Variants in ASCC2 observed in about 807,000 individuals in gnomAD.
The protein encoded by ASCC2 is ASC-1 complex subunit P100.
ASCC2 carries 42 observed loss-of-function variants against 93.5 expected under a neutral mutation model. The observed-to-expected ratio is 0.45, with a 90% CI of 0.35 to 0.58. The LOEUF (loss-of-function observed/expected upper bound fraction) is 0.58, where lower values mean the gene tolerates loss of function less well. ASCC2 is among the 20% of genes least tolerant of loss of function. The pLI, the probability that ASCC2 is intolerant of heterozygous loss-of-function variation, is 0.00. For missense variants in ASCC2, 859 were observed against 977.6 expected, an observed-to-expected ratio of 0.88 and a Z score of 1.62; for synonymous variants, 364 against 384.2, an observed-to-expected ratio of 0.95 and a Z score of 0.62.
chr22:29,804,500 C>T, intron 13 of ASCC2, 138 bp downstream of exon 13: 1 of 994,282 alleles, frequency 1.0e-6, no homozygotes, highest in Non-Finnish European at 1.5e-6. Context: ...TGACCAGTTG[C>T]TTGAGGCTGT....
At chr22:29,796,276 T>A (rs1450870570) in intron 15 of ASCC2, among the ~76,000 whole-genome samples, 2 of 152,096 alleles carry the variant, frequency 1.3e-5, no homozygotes, top group African/African-American at 4.8e-5. Flanking sequence ...GCCCAGCTAA[T>A]TTTTTGTATT....
At chr22:29,790,436 G>C in intron 19 of ASCC2, 33 bp downstream of exon 19, 1 of 1,612,182 alleles carries the variant, frequency 6.2e-7, no homozygotes, top group South Asian at 1.1e-5. Context: ...TGGTGGGAGG[G>C]GTCCCCCCAG....
chr22:29,792,229 A>G (rs927467958), intron 18 of ASCC2, among the ~76,000 whole-genome samples: 2 of 152,036 alleles, frequency 1.3e-5, no homozygotes, highest in Non-Finnish European at 1.5e-5. Context: ...TCTGTCCCCT[A>G]GGTCCTCACT....
intron 2 of ASCC2, among the ~76,000 whole-genome samples, chr22:29,827,757 G>GAC (rs35763537): frequency 0.13 from 12,986 of 100,854 alleles, 1,777 homozygotes; most frequent in African/African-American, 0.31. Flanking sequence ...TCATTCTCCC[G>GAC]ACACACACAC....
At chr22:29,835,833 A>G (rs920780538) in intron 1 of ASCC2, among the ~76,000 whole-genome samples, 7 of 152,172 alleles carry the variant, frequency 4.6e-5, no homozygotes, top group Non-Finnish European at 8.8e-5. Flanking sequence ...CATATAACTG[A>G]CTATGATTTG....
In ASCC2 at chr22:29,792,516, C is replaced by T. The variant is rs779402165; in HGVS notation, c.1939G>A (p.Val647Met). The part of the protein sequence containing the change: ...ISRRPFTIPQ[V>M]LRTKVPREGQ... Reference sequence around the variant, plus strand: ...TCTCTAGGCACTTTGGTTCTCAGCACCTGAGGGATGGTGAATGGCCTGAGG... The same window carrying T: ...TCTCTAGGCACTTTGGTTCTCAGCATCTGAGGGATGGTGAATGGCCTGAGG... Residue 647 changes from valine to methionine, a missense_variant, in exon 18 of 20, where the codon GTG (valine) becomes ATG (methionine). Physicochemically the swap from Val to Met is conservative, Grantham distance 21. Coordinates refer to ENST00000307790, the MANE Select transcript of ASCC2 (RefSeq NM_032204.5). 3.7e-6 allele frequency: 6 copies of T among 1,614,022 alleles called. No homozygotes were observed. Among genetic ancestry groups the T allele is most frequent in the Non-Finnish European group, 5.1e-6 (6 of 1,179,944 alleles).
At chr22:29,831,527 A>C (rs1171418209) in intron 2 of ASCC2, among the ~76,000 whole-genome samples, 1 of 152,224 alleles carries the variant, frequency 6.6e-6, no homozygotes, top group East Asian at 1.9e-4. Flanking sequence ...AGCCATCTAG[A>C]AGGCAGGAAA....
intron 5 of ASCC2, among the ~76,000 whole-genome samples, chr22:29,820,072 A>G (rs2061370617): frequency 6.6e-6 from 1 of 151,724 alleles, no homozygotes; most frequent in Non-Finnish European, 1.5e-5. Context: ...CCAGGCTGGA[A>G]AAAAAAAAGA....
intron 8 of ASCC2, among the ~76,000 whole-genome samples, chr22:29,811,502 G>C (rs1433623130): frequency 6.6e-6 from 1 of 152,194 alleles, no homozygotes; most frequent in Non-Finnish European, 1.5e-5. Flanking sequence ...ATTTTGAGAG[G>C]GATTATCAAC....
At chr22:29,791,371 T>C (rs2057720519) in intron 18 of ASCC2, among the ~76,000 whole-genome samples, 1 of 151,814 alleles carries the variant, frequency 6.6e-6, no homozygotes, top group Non-Finnish European at 1.5e-5. Context: ...AGCGAGACTC[T>C]GTCTCTAAAA....
intron 9 of ASCC2, among the ~76,000 whole-genome samples, chr22:29,807,429 C>T (rs2059808488): frequency 6.6e-6 from 1 of 152,036 alleles, no homozygotes; most frequent in Admixed American, 6.6e-5. Context: ...TCAGTTCAAA[C>T]GGTGGGTCAG....
In ASCC2 at chr22:29,821,996, C is replaced by CTT. The variant is rs200888756; in HGVS notation, c.541+337_541+338dup. The CTT allele has an allele frequency of 3.6e-3, 1,430 of 400,260 alleles. 15 individuals are homozygous for CTT. The highest frequency in any genetic ancestry group is 7.0e-3 in the East Asian group (88 of 12,524). 24.8% of individuals were successfully genotyped at this position (400,260 alleles called of 1,614,324 possible). On this transcript the variant is annotated intron_variant, in intron 5 of 19. Transcript: ENST00000307790. ...CCTGAGTGACAGAGCAAGGCTTTGT[C>CTT]TTTTTTCTTTTTTTTTGAGATGGAG...
Position 29,825,830 on chromosome 22 carries a change from G to C in ASCC2, c.82-50C>G. ...AACGTGGCAGAGGTTAGTCAGCGAG[G>C]GCCCATTTGCCAACCCACAGCAATG... On this transcript the variant is annotated intron_variant, in intron 2 of 19. Transcript: ENST00000307790. This position sits in a 1 kb window ranked among gnomAD's most constrained non-coding sequence, Gnocchi z 4.9. 1 of 1,558,286 alleles carries C rather than the reference G, an allele frequency of 6.4e-7. No homozygotes were observed. Among genetic ancestry groups the C allele is most frequent in the Non-Finnish European group, 8.7e-7 (1 of 1,150,044 alleles).
intron 2 of ASCC2, chr22:29,827,574 T>C (rs1488646436): frequency 2.1e-6 from 1 of 471,006 alleles, no homozygotes; most frequent in African/African-American, 2.0e-5. Flanking sequence ...TAAATCAAAT[T>C]TGTATCATGG....
At chr22:29,803,752 A>G (rs1025465575) in intron 13 of ASCC2, among the ~76,000 whole-genome samples, 3 of 152,236 alleles carry the variant, frequency 2.0e-5, no homozygotes, top group Non-Finnish European at 4.4e-5. Context: ...TAAAACCTCC[A>G]TGACTCTGCT....
At chr22:29,834,545 G>C in intron 1 of ASCC2, 1 of 470,678 alleles carries the variant, frequency 2.1e-6, no homozygotes, top group Non-Finnish European at 4.4e-6. Context: ...GCATACACGA[G>C]GTGGCCTGAA....
At chr22:29,826,455 A>G (rs1005923179) in intron 2 of ASCC2, among the ~76,000 whole-genome samples, 1 of 151,834 alleles carries the variant, frequency 6.6e-6, no homozygotes, top group Admixed American at 6.6e-5. Flanking sequence ...AGCTGGGACT[A>G]CAGGTGCACA....
chr22:29,788,731 T>C lies in ASCC2; in HGVS notation c.*282A>G, dbSNP rs865835343. The C allele has an allele frequency of 3.2e-5, 15 of 474,396 alleles. No individual in the cohort carries two copies. The highest frequency in any genetic ancestry group is 2.4e-4 in the South Asian group (10 of 41,990). The allele number at this position is 474,396 out of a possible 1,614,324, so 29.4% of individuals were successfully genotyped here. A position where few individuals can be genotyped will look rare whatever the true frequency, so the allele number is the denominator to read the frequency against. On this transcript the variant is annotated 3_prime_UTR_variant, in exon 20 of 20. Transcript: ENST00000307790. The stretch of plus-strand genomic sequence containing the variant: ...GGCCCGAGGTTTGGGGCGCTTGCCT[T>C]GGGACTCCATCCCCATCTCTTTCCC...
rs748724404 is a variant in ASCC2 at position 29,801,016 on chromosome 22, G to C, written c.1663C>G (p.Leu555Val). 6.2e-7 allele frequency: 1 copy of C among 1,600,946 alleles called. No individual in the cohort carries two copies. Among genetic ancestry groups the C allele is most frequent in the South Asian group, 1.1e-5 (1 of 90,376 alleles). The change falls in exon 15 of 20, where the codon CTG (leucine) becomes GTG (valine). Residue 555 changes from leucine to valine, a missense_variant. Leu to Val is a conservative substitution (Grantham distance 32). Coordinates refer to ENST00000307790, the MANE Select transcript of ASCC2 (RefSeq NM_032204.5). ...FDVFSRDSVD[L>V]SRVHKGKSTR... ...CTCTTGCCCTTGTGCACCCGGCTCA[G>C]GTCTACTGAGTCCCTGCTGAACACA...
Sources: allele counts gnomAD v4.1 joint callset (sites outside exome capture counted in the v4.1 genomes callset), GRCh38; gene constraint gnomAD v4.1.1; non-coding constraint Gnocchi (gnomAD v3.1); transcripts MANE v1.5; gene names NCBI Gene and HGNC (gene_info 2026-07-23, HGNC 2026-07-21).